The following NRXN3 variants were observed in gnomAD, a reference collection of about 807,000 sequenced individuals.
NRXN3 encodes neurexin 3.
A neutral mutation model predicts 137.6 loss-of-function variants in NRXN3; 32 were observed. The observed-to-expected ratio is 0.23, with a 90% CI of 0.18 to 0.31. The LOEUF (loss-of-function observed/expected upper bound fraction) is 0.31. Among genes scored for constraint, NRXN3 ranks in the 10% least tolerant of loss-of-function variants. NRXN3 has a pLI of 1.00. For synonymous variants in NRXN3, 798 were observed against 784.5 expected (o/e 1.02, Z -0.29); for missense variants, 1,574 against 2,062.5 (o/e 0.76, Z 4.59).
intron 15 of NRXN3, among the ~76,000 whole-genome samples, chr14:79,123,784 C>T (rs2152929728): frequency 6.6e-6 from 1 of 152,212 alleles, no homozygotes; most frequent in South Asian, 2.1e-4. Context: ...AGTGGGAGTA[C>T]TGTATACATG....
chr14:78,556,027 G>C (rs1294290386), intron 4 of NRXN3, among the ~76,000 whole-genome samples: 3 of 152,184 alleles, frequency 2.0e-5, no homozygotes, highest in African/African-American at 7.2e-5. Flanking sequence ...CTTTTTCAAA[G>C]GCAAGGTTCC....
chr14:79,411,059 C>T (rs2095411198), intron 15 of NRXN3, among the ~76,000 whole-genome samples: 1 of 152,086 alleles, frequency 6.6e-6, no homozygotes, highest in Admixed American at 6.6e-5. Context: ...TTTTTCTGTG[C>T]ACCACTAGTA....
intron 4 of NRXN3, among the ~76,000 whole-genome samples, chr14:78,641,740 A>G (rs1045346266): frequency 6.6e-6 from 1 of 152,188 alleles, no homozygotes; most frequent in Non-Finnish European, 1.5e-5. Flanking sequence ...AAGGTTGTGA[A>G]TGGTTACAGC....
At chr14:79,832,610 C>T (rs1179626335) in intron 20 of NRXN3, among the ~76,000 whole-genome samples, 1 of 152,088 alleles carries the variant, frequency 6.6e-6, no homozygotes, top group Non-Finnish European at 1.5e-5. Context: ...AAATAGCCTA[C>T]AGTGCTCAGA....
intron 15 of NRXN3, among the ~76,000 whole-genome samples, chr14:79,010,142 C>T (rs2099568585): frequency 6.6e-6 from 1 of 152,100 alleles, no homozygotes; most frequent in South Asian, 2.1e-4. Context: ...TTAGCTGGAT[C>T]CATTTAAATA....
intron 15 of NRXN3, among the ~76,000 whole-genome samples, chr14:79,035,444 A>G (rs978409707): frequency 6.6e-6 from 1 of 152,040 alleles, no homozygotes; most frequent in Admixed American, 6.6e-5. Flanking sequence ...TTTGACAGCC[A>G]TTCACGTGAA....
intron 2 of NRXN3, among the ~76,000 whole-genome samples, chr14:78,254,443 G>A (rs2069161241): frequency 6.6e-6 from 1 of 152,184 alleles, no homozygotes; most frequent in South Asian, 2.1e-4. Flanking sequence ...CACTTTGGGA[G>A]GCCGAGGCAG....
chr14:78,202,673 G>C (rs2061786097), intron 1 of NRXN3, among the ~76,000 whole-genome samples: 2 of 152,180 alleles, frequency 1.3e-5, no homozygotes, highest in Non-Finnish European at 2.9e-5. Context: ...ACCCCTCACT[G>C]ACACCCTGCG....
At chr14:78,443,024 A>T (rs1474268482) in intron 4 of NRXN3, among the ~76,000 whole-genome samples, 2 of 152,206 alleles carry the variant, frequency 1.3e-5, no homozygotes, top group African/African-American at 4.8e-5. Flanking sequence ...ACCATACAGC[A>T]GATGTGGTTG....
intron 4 of NRXN3, among the ~76,000 whole-genome samples, chr14:78,404,664 A>G (rs2092365451): frequency 6.6e-6 from 1 of 152,194 alleles, no homozygotes; most frequent in African/African-American, 2.4e-5. Context: ...GCCTCATTCA[A>G]TTCACTGCTT....
chr14:78,488,527 G>A (rs867244932), intron 4 of NRXN3, among the ~76,000 whole-genome samples: 3 of 152,054 alleles, frequency 2.0e-5, no homozygotes, highest in African/African-American at 7.2e-5. Flanking sequence ...AAGAATCATG[G>A]CTCTGTAAAT....
chr14:78,559,695 C>T (rs1021086263), intron 4 of NRXN3, among the ~76,000 whole-genome samples: 5 of 152,152 alleles, frequency 3.3e-5, no homozygotes, highest in South Asian at 2.1e-4. Flanking sequence ...CCATTTGACA[C>T]GTATAAAATT....
chr14:79,033,660 C>T (rs10142652), intron 15 of NRXN3, among the ~76,000 whole-genome samples: 57,730 of 151,874 alleles, frequency 0.38, 11,508 homozygotes, highest in Admixed American at 0.49. Context: ...GATTATGAAA[C>T]CTGTCGTTAG....
At chr14:79,285,556 C>A (rs1447609779) in intron 15 of NRXN3, among the ~76,000 whole-genome samples, 1 of 152,140 alleles carries the variant, frequency 6.6e-6, no homozygotes, top group African/African-American at 2.4e-5. Flanking sequence ...TTCTTTCTGA[C>A]ATCTCTCTCC....
At chr14:78,868,188 G>A (rs1596683359) in intron 10 of NRXN3, among the ~76,000 whole-genome samples, 1 of 151,608 alleles carries the variant, frequency 6.6e-6, no homozygotes, top group African/African-American at 2.4e-5. Flanking sequence ...CCCTGTATAG[G>A]CAAAATTGTT....
intron 16 of NRXN3, among the ~76,000 whole-genome samples, chr14:79,590,193 A>C (rs1384424565): frequency 6.6e-6 from 1 of 152,060 alleles, no homozygotes; most frequent in Non-Finnish European, 1.5e-5. Flanking sequence ...GTGGGAGGTA[A>C]TTGAATTATG....
intron 19 of NRXN3, among the ~76,000 whole-genome samples, chr14:79,723,552 C>T (rs1184054786): frequency 1.3e-5 from 2 of 152,066 alleles, no homozygotes; most frequent in Non-Finnish European, 2.9e-5. Context: ...GCCTCCTTCC[C>T]CTTTGTTTTC....
At chr14:78,415,054 A>G (rs965987598) in intron 4 of NRXN3, among the ~76,000 whole-genome samples, 3 of 152,186 alleles carry the variant, frequency 2.0e-5, no homozygotes, top group African/African-American at 7.2e-5. Context: ...CATAGATTTC[A>G]TTAAAGGAGA....
chr14:78,692,472 G>A (rs769584740), intron 6 of NRXN3, among the ~76,000 whole-genome samples: 3 of 152,292 alleles, frequency 2.0e-5, no homozygotes, highest in South Asian at 2.1e-4. Context: ...GGTTTTGTTT[G>A]CAATTATAGG....
Sources: allele counts gnomAD v4.1 joint callset (sites outside exome capture counted in the v4.1 genomes callset), GRCh38; gene constraint gnomAD v4.1.1; transcripts MANE v1.5; gene names NCBI Gene and HGNC (gene_info 2026-07-23, HGNC 2026-07-21).